NOL4L: variants seen among roughly 807,000 people sequenced by gnomAD.
The protein encoded by NOL4L is nucleolar protein 4 like.
NOL4L carries 7 observed loss-of-function variants against 64.5 expected under a neutral mutation model. The ratio of observed to expected loss-of-function variants is 0.11; its 90% CI spans 0.06 to 0.20. NOL4L has a LOEUF of 0.20. Ranked by LOEUF, NOL4L falls within the 10% of genes least tolerant of loss-of-function variation. NOL4L has a pLI of 1.00. For missense variants in NOL4L, 680 were observed against 967.1 expected, an observed-to-expected ratio of 0.70 and a Z score of 3.94; for synonymous variants, 413 against 401.0, an observed-to-expected ratio of 1.03 and a Z score of -0.36.
At chr20:32,528,855 G>A (rs1374906273) in intron 1 of NOL4L, among the ~76,000 whole-genome samples, 2 of 152,218 alleles carry the variant, frequency 1.3e-5, no homozygotes, top group Non-Finnish European at 2.9e-5. Flanking sequence ...ACGTTAGGGG[G>A]CTTTGAAGAT....
chr20:32,496,034 T>C (rs1404692771), intron 4 of NOL4L, among the ~76,000 whole-genome samples: 1 of 152,098 alleles, frequency 6.6e-6, no homozygotes, highest in African/African-American at 2.4e-5. Context: ...CAGGCCCAGG[T>C]CCCTGCCCTG....
intron 4 of NOL4L, among the ~76,000 whole-genome samples, chr20:32,499,372 G>A (rs1465764078): frequency 6.6e-6 from 1 of 152,102 alleles, no homozygotes; most frequent in Non-Finnish European, 1.5e-5. Context: ...ATGCTCATGT[G>A]GTCAGATCAG....
intron 5 of NOL4L, among the ~76,000 whole-genome samples, chr20:32,469,735 T>G (rs1355250990): frequency 2.0e-5 from 3 of 152,244 alleles, no homozygotes; most frequent in African/African-American, 4.8e-5. Flanking sequence ...AAGGGACATT[T>G]CTACAAAGAT....
At position 32,490,146 on chromosome 20, in the gene NOL4L, T is replaced by C. The variant is rs867170780; in HGVS notation, c.700-15404A>G. Among the ~76,000 whole-genome samples, 41 of 75,944 alleles carry C rather than the reference T, an allele frequency of 5.4e-4. No homozygotes were observed. In the South Asian group the frequency reaches 0.014, roughly 25 times the overall value. The allele number at this position is 75,944 out of a possible 152,430, so 49.8% of individuals were successfully genotyped here. On this transcript the variant is annotated intron_variant, in intron 4 of 10. Transcript: ENST00000621426. ...TCCATCTCAAAAAAAAAAAAAAAAATATATATACACATATATATATGTATA... is the reference window on the plus strand; with the variant it reads ...TCCATCTCAAAAAAAAAAAAAAAAACATATATACACATATATATATGTATA...
In NOL4L at chr20:32,510,309, T is replaced by C. The variant is rs2017340711; in HGVS notation, c.699+1038A>G. 1.5e-5 allele frequency: 4 copies of C among 270,292 alleles called. No homozygotes were observed. The South Asian group carries it at 1.6e-4, about 11-fold the overall frequency. 16.7% of individuals were successfully genotyped at this position (270,292 alleles called of 1,614,324 possible). A position where few individuals can be genotyped will look rare whatever the true frequency, so the allele number is the denominator to read the frequency against. ...GTGGGGACAGGAGGGCTGGCCGCCC[T>C]GCCTCTTGAAAGGAATACGCAGCTC... On this transcript the variant is annotated intron_variant, in intron 4 of 10. Coordinates refer to ENST00000621426, the MANE Select transcript of NOL4L (RefSeq NM_001256798.2).
chr20:32,447,372 A>C lies in NOL4L; in HGVS notation c.*224T>G, dbSNP rs1239460534. The C allele has an allele frequency of 1.7e-6, 1 of 602,870 alleles. No individual in the cohort carries two copies. The highest frequency in any genetic ancestry group is 3.6e-5 in the Admixed American group (1 of 27,796). 37.3% of individuals were successfully genotyped at this position (602,870 alleles called of 1,614,324 possible). ...AGAGCTGCCCCGTTGGCCTCTTCCAAGCAGGTCAGAGCACCCGTGTGGTGA... is the reference window on the plus strand; with the variant it reads ...AGAGCTGCCCCGTTGGCCTCTTCCACGCAGGTCAGAGCACCCGTGTGGTGA... On this transcript the variant is annotated 3_prime_UTR_variant, in exon 11 of 11. Transcript: ENST00000621426.
chr20:32,459,380 A>ATTTTTT (rs35851647), intron 5 of NOL4L, among the ~76,000 whole-genome samples: 1 of 121,334 alleles, frequency 8.2e-6, no homozygotes. Flanking sequence ...CGCTTGGCTA[A>ATTTTTT]TTTTTTTTTT....
intron 5 of NOL4L, among the ~76,000 whole-genome samples, chr20:32,469,495 C>T (rs530783657): frequency 9.9e-5 from 15 of 152,068 alleles, no homozygotes; most frequent in African/African-American, 3.1e-4. Flanking sequence ...CCTCAGCCTC[C>T]GGAGTAGCTG....
chr20:32,567,727 G>A (rs1353031644), intron 1 of NOL4L, among the ~76,000 whole-genome samples: 1 of 152,172 alleles, frequency 6.6e-6, no homozygotes, highest in African/African-American at 2.4e-5. Flanking sequence ...GTTGCTGCAG[G>A]AGCCCAATGT....
intron 3 of NOL4L, among the ~76,000 whole-genome samples, chr20:32,516,525 C>T (rs1006681135): frequency 2.6e-5 from 4 of 152,152 alleles, no homozygotes; most frequent in African/African-American, 9.7e-5. Flanking sequence ...TAGAGAGAAT[C>T]GGAATGGGAC....
Position 32,511,425 on chromosome 20 carries a change from C to T in NOL4L, c.621G>A (p.Gly207=). 1.3e-6 allele frequency: 2 copies of T among 1,550,434 alleles called. No homozygotes were observed. The highest frequency in any genetic ancestry group is 1.7e-6 in the Non-Finnish European group (2 of 1,146,870). The change falls in exon 4 of 11, where the codon GGG becomes GGA. Residue 207 remains glycine, a synonymous_variant. Coordinates refer to ENST00000621426, the MANE Select transcript of NOL4L (RefSeq NM_001256798.2). ...ENEPPSPLVS[G]IIDYNMPLTS... ...TGAGGGGCATGTTGTAATCAATAATCCCAGAGACCAGTGGAGATGGAGGCT... is the reference window on the plus strand; with the variant it reads ...TGAGGGGCATGTTGTAATCAATAATTCCAGAGACCAGTGGAGATGGAGGCT...
At chr20:32,447,884 C>T (rs1158066570) in intron 10 of NOL4L, 68 bp from the exon 11 acceptor site, 4 of 1,509,566 alleles carry the variant, frequency 2.6e-6, no homozygotes, top group African/African-American at 2.8e-5. Context: ...GTGTACCTTC[C>T]TTGGCACTGT....
In NOL4L at chr20:32,568,589, G is replaced by A. The variant is rs1179301655; in HGVS notation, c.321+15981C>T. On this transcript the variant is annotated intron_variant, in intron 1 of 10. Coordinates refer to ENST00000621426, the MANE Select transcript of NOL4L (RefSeq NM_001256798.2). ...CAATGGCTCCCAATCCCTGAGATCT[G>A]GCTTTCTGGGGCCCCACTATGGGGC... Among the ~76,000 whole-genome samples the A allele has an allele frequency of 2.0e-5, 3 of 152,288 alleles. No individual in the cohort carries two copies. The East Asian group carries it at 5.8e-4, about 29-fold the overall frequency.
intron 1 of NOL4L, among the ~76,000 whole-genome samples, chr20:32,530,877 C>T (rs372720151): frequency 3.8e-4 from 57 of 151,918 alleles, no homozygotes; most frequent in African/African-American, 1.3e-3. Flanking sequence ...GCTGAGATCA[C>T]GCCATTGCAC....
intron 1 of NOL4L, among the ~76,000 whole-genome samples, chr20:32,555,522 C>T (rs1978594854): frequency 6.6e-6 from 1 of 151,716 alleles, no homozygotes; most frequent in Admixed American, 6.6e-5. Context: ...GGTCTCAACC[C>T]CCTGGGTTCC....
chr20:32,584,181 G>A (rs1980733068), intron 1 of NOL4L, among the ~76,000 whole-genome samples: 1 of 138,826 alleles, frequency 7.2e-6, no homozygotes, highest in Non-Finnish European at 1.5e-5. Flanking sequence ...CGCCCAGCCG[G>A]CCCGGGGGCG....
chr20:32,450,028 G>C (rs1208621469), intron 10 of NOL4L: 1 of 152,370 alleles, frequency 6.6e-6, no homozygotes, highest in East Asian at 1.9e-4. Context: ...CTGATCTGGA[G>C]ACACCCCCGT....
intron 1 of NOL4L, among the ~76,000 whole-genome samples, chr20:32,533,010 G>C (rs902938737): frequency 3.9e-5 from 6 of 152,234 alleles, no homozygotes; most frequent in Non-Finnish European, 8.8e-5. Flanking sequence ...GAGAAGCTGG[G>C]CATGGTGGCG....
chr20:32,455,725 G>C (rs1192583657), intron 6 of NOL4L, among the ~76,000 whole-genome samples: 1 of 152,216 alleles, frequency 6.6e-6, no homozygotes, highest in African/African-American at 2.4e-5. Context: ...CTATAAAATG[G>C]GGACAGGCAC....
Sources: allele counts gnomAD v4.1 joint callset (sites outside exome capture counted in the v4.1 genomes callset), GRCh38; gene constraint gnomAD v4.1.1; transcripts MANE v1.5; gene names NCBI Gene and HGNC (gene_info 2026-07-23, HGNC 2026-07-21).